Variants in AGTPBP1 observed in about 807,000 individuals in gnomAD.
The protein encoded by AGTPBP1 is cytosolic carboxypeptidase 1.
Under a neutral mutation model 143.9 loss-of-function variants are expected in AGTPBP1, and 70 were observed. The observed-to-expected ratio is 0.49, with a 90% confidence interval of 0.40 to 0.59. The LOEUF (loss-of-function observed/expected upper bound fraction) is 0.59. Among genes scored for constraint, AGTPBP1 ranks in the 20% least tolerant of loss-of-function variants. The pLI is 0.00. For missense variants in AGTPBP1, 1,229 were observed against 1,464.5 expected (o/e 0.84, Z 2.62); for synonymous variants, 463 against 500.2 (o/e 0.93, Z 0.99).
At chr9:85,770,631 T>G in the AGTPBP1 span, 13 of 568,200 alleles carry the variant, frequency 2.3e-5, no homozygotes, top group Non-Finnish European at 3.7e-5. Context: ...TGATTTCTCT[T>G]TATAGAACTA....
intron 25 of AGTPBP1, among the ~76,000 whole-genome samples, chr9:85,574,711 C>CTT (rs568128403): frequency 1.1e-4 from 15 of 142,114 alleles, no homozygotes; most frequent in African/African-American, 2.6e-4. Flanking sequence ...GACTCTAAGC[C>CTT]TTTTTTTTTT....
the AGTPBP1 span, among the ~76,000 whole-genome samples, chr9:85,763,804 C>T: frequency 6.6e-6 from 1 of 151,954 alleles, no homozygotes; most frequent in Non-Finnish European, 1.5e-5. Flanking sequence ...CAATTAAAAG[C>T]TTGGGGGAGG....
rs1400386908 is a variant in AGTPBP1 at position 85,634,687 on chromosome 9, A to G, written c.1303-1313T>C. 2.0e-5 allele frequency among the ~76,000 whole-genome samples: 3 copies of G among 152,212 alleles called. No individual in the cohort carries two copies. In the East Asian group the frequency reaches 5.8e-4, roughly 29 times the overall value. On this transcript the variant is annotated intron_variant, in intron 13 of 25. Coordinates refer to ENST00000357081, the MANE Select transcript of AGTPBP1 (RefSeq NM_001330701.2). ...ATTTAAACAGATAAATAAGGTGTAT[A>G]TTGAAGTCATTTCCAAAATTTTGCT...
intron 25 of AGTPBP1, among the ~76,000 whole-genome samples, chr9:85,572,068 C>G (rs1279935382): frequency 8.7e-6 from 1 of 114,796 alleles, no homozygotes; most frequent in East Asian, 2.7e-4. Context: ...ATTCTGTCAC[C>G]CAGGATGGAG....
At chr9:85,752,348 C>A in the AGTPBP1 span, among the ~76,000 whole-genome samples, 1 of 152,090 alleles carries the variant, frequency 6.6e-6, no homozygotes, top group East Asian at 1.9e-4. Flanking sequence ...TTTTTGAACA[C>A]AAGAAATTGA....
intron 25 of AGTPBP1, among the ~76,000 whole-genome samples, chr9:85,561,386 C>CAAA (rs57157743): frequency 1.4e-5 from 1 of 70,160 alleles, no homozygotes; most frequent in Non-Finnish European, 3.0e-5. Context: ...GGCTCCATCT[C>CAAA]AAAAAAAAAA....
intron 1 of AGTPBP1, among the ~76,000 whole-genome samples, chr9:85,718,280 CCCA>C (rs1362014156): frequency 1.3e-5 from 2 of 152,298 alleles, no homozygotes; most frequent in African/African-American, 2.4e-5. Flanking sequence ...AATTTACACT[CCCA>C]CCAACAGTGT....
the AGTPBP1 span, among the ~76,000 whole-genome samples, chr9:85,804,743 C>T: frequency 6.6e-6 from 1 of 152,172 alleles, no homozygotes; most frequent in East Asian, 1.9e-4. Flanking sequence ...GATGGAGAAC[C>T]AAGGGAGATA....
At chr9:85,776,218 A>G in the AGTPBP1 span, among the ~76,000 whole-genome samples, 64 of 152,374 alleles carry the variant, frequency 4.2e-4, no homozygotes, top group South Asian at 8.1e-3. Context: ...AAAAGGAAAT[A>G]AAATGAAGAT....
chr9:85,625,433 T>A (rs1233784475), intron 14 of AGTPBP1, among the ~76,000 whole-genome samples: 1 of 152,182 alleles, frequency 6.6e-6, no homozygotes, highest in Non-Finnish European at 1.5e-5. Flanking sequence ...TCATTTGGAG[T>A]TAAGTTAACC....
At chr9:85,787,371 G>C in the AGTPBP1 span, among the ~76,000 whole-genome samples, 1 of 152,056 alleles carries the variant, frequency 6.6e-6, no homozygotes, top group Non-Finnish European at 1.5e-5. Flanking sequence ...AAGAACACTG[G>C]TTATGACATC....
intron 17 of AGTPBP1, among the ~76,000 whole-genome samples, chr9:85,602,335 A>C (rs1427071407): frequency 6.6e-6 from 1 of 152,330 alleles, no homozygotes; most frequent in East Asian, 1.9e-4. Flanking sequence ...GAACTGAAGA[A>C]TATTCATTAA....
At position 85,632,653 on chromosome 9, in the gene AGTPBP1, G is replaced by A; in HGVS notation, c.2015+9C>T. The A allele has an allele frequency of 6.4e-7, 1 of 1,560,938 alleles. No individual in the cohort carries two copies. On this transcript the variant is annotated intron_variant, in intron 14 of 25. Transcript: ENST00000357081. ...CTTATTTAGAAGAGGGAAGAAATATGCAACTCACCTTTGTACACCATAAGG... is the reference window on the plus strand; with the variant it reads ...CTTATTTAGAAGAGGGAAGAAATATACAACTCACCTTTGTACACCATAAGG...
chr9:85,627,900 T>G (rs759767057), intron 14 of AGTPBP1, among the ~76,000 whole-genome samples: 2 of 152,368 alleles, frequency 1.3e-5, no homozygotes, highest in Non-Finnish European at 2.9e-5. Context: ...TTTACATTAC[T>G]GGTAAGGCTT....
chr9:85,623,316 C>T (rs894661283), intron 14 of AGTPBP1, among the ~76,000 whole-genome samples: 7 of 152,048 alleles, frequency 4.6e-5, no homozygotes, highest in Admixed American at 3.9e-4. Context: ...GCAAGTTAAG[C>T]CAAATCATGT....
At chr9:85,701,212 T>C (rs564586717) in intron 2 of AGTPBP1, among the ~76,000 whole-genome samples, 1 of 131,874 alleles carries the variant, frequency 7.6e-6, no homozygotes, top group East Asian at 2.2e-4. Context: ...ACACCTGGCC[T>C]TTTTTTTTTT....
chr9:85,644,273 G>T (rs10746766), intron 12 of AGTPBP1, among the ~76,000 whole-genome samples: 48,941 of 151,146 alleles, frequency 0.32, 9,479 homozygotes, highest in East Asian at 0.56. Flanking sequence ...TATACATTTA[G>T]GAACCAATAA....
chr9:85,695,521 C>T (rs1836166790), intron 2 of AGTPBP1, among the ~76,000 whole-genome samples: 1 of 152,170 alleles, frequency 6.6e-6, no homozygotes, highest in Non-Finnish European at 1.5e-5. Flanking sequence ...ACAGAGTTGG[C>T]ATTGCAGCAA....
chr9:85,734,270 A>G (rs546218744), intron 1 of AGTPBP1, among the ~76,000 whole-genome samples: 2 of 152,050 alleles, frequency 1.3e-5, no homozygotes, highest in East Asian at 3.9e-4. Flanking sequence ...AAACAAAAAA[A>G]CCTCCTTACA....
Sources: gnomAD v4.1 joint callset for allele counts (sites outside exome capture counted in the v4.1 genomes callset) on GRCh38, gnomAD v4.1.1 for gene constraint, MANE v1.5 for transcripts, NCBI Gene and HGNC (gene_info 2026-07-23, HGNC 2026-07-21) for gene names.